Variants in PAM observed in about 807,000 individuals in gnomAD.
PAM encodes the protein peptidylglycine alpha-amidating monooxygenase.
In PAM, 72 loss-of-function variants were observed where a neutral mutation model predicts 122.1. The observed-to-expected ratio is 0.59, with a 90% CI of 0.49 to 0.72. PAM has a LOEUF of 0.72. Among genes scored for constraint, PAM ranks in the 30% least tolerant of loss-of-function variants. PAM has a pLI of 0.00. For synonymous variants in PAM, 389 were observed against 404.4 expected, an observed-to-expected ratio of 0.96 and a Z score of 0.46; for missense variants, 1,106 against 1,183.7, an observed-to-expected ratio of 0.93 and a Z score of 0.96.
At chr5:102,789,883 AAAC>A in intron 1 of PAM, among the ~76,000 whole-genome samples, 1 of 152,248 alleles carries the variant, frequency 6.6e-6, no homozygotes, top group African/African-American at 2.4e-5. Flanking sequence ...TTTAGAAAAG[AAAC>A]TAACAAGACA....
At chr5:102,858,103 T>C (rs931693930) in intron 1 of PAM, among the ~76,000 whole-genome samples, 3 of 152,184 alleles carry the variant, frequency 2.0e-5, no homozygotes, top group African/African-American at 7.2e-5. Flanking sequence ...ACACGCAAAA[T>C]CAGTGCTGGC....
intron 15 of PAM, among the ~76,000 whole-genome samples, chr5:102,988,492 C>T (rs1449191008): frequency 6.6e-6 from 1 of 151,988 alleles, no homozygotes; most frequent in Non-Finnish European, 1.5e-5. Context: ...AGGCCAAAAA[C>T]CACGTTTTAT....
At chr5:102,914,773 G>C (rs1040227140) in intron 5 of PAM, among the ~76,000 whole-genome samples, 2 of 152,102 alleles carry the variant, frequency 1.3e-5, no homozygotes, top group South Asian at 2.1e-4. Context: ...ACCCTAGCTT[G>C]TCTGATTCCA....
chr5:103,003,613 A>AGATTC (rs577938883), intron 17 of PAM, among the ~76,000 whole-genome samples: 88 of 152,312 alleles, frequency 5.8e-4, no homozygotes, highest in Non-Finnish European at 1.0e-3. Flanking sequence ...AATTAGATTT[A>AGATTC]GATTCTGTAT....
At position 102,755,326 on chromosome 5, in the gene PAM, G is replaced by C. The variant is rs1444903454; in HGVS notation, c.-396G>C. 1 of 152,366 alleles carries C rather than the reference G, an allele frequency of 6.6e-6. No individual in the cohort carries two copies. Among genetic ancestry groups the C allele is most frequent in the Non-Finnish European group, 1.5e-5 (1 of 68,336 alleles). The allele number at this position is 152,366 out of a possible 1,614,324, so 9.4% of individuals were successfully genotyped here. ...GCCCGCAGGCTCCGGCTTCCGTCCCGGACAGAGCCCGTGGTCGCGCAGGTT... is the reference window on the plus strand; with the variant it reads ...GCCCGCAGGCTCCGGCTTCCGTCCCCGACAGAGCCCGTGGTCGCGCAGGTT... On this transcript the variant is annotated 5_prime_UTR_variant, in exon 1 of 26. Transcript: ENST00000438793.
chr5:102,783,938 C>T (rs1239479229), intron 1 of PAM, among the ~76,000 whole-genome samples: 1 of 151,832 alleles, frequency 6.6e-6, no homozygotes, highest in Non-Finnish European at 1.5e-5. Context: ...GCTCTGTCAC[C>T]CAGGCTGGAG....
chr5:102,903,981 T>C (rs1798784564), intron 4 of PAM, among the ~76,000 whole-genome samples: 1 of 151,480 alleles, frequency 6.6e-6, no homozygotes, highest in African/African-American at 2.4e-5. Context: ...AAATAACAAA[T>C]ACCCATGAAG....
intron 1 of PAM, among the ~76,000 whole-genome samples, chr5:102,861,202 A>G (rs970610353): frequency 2.6e-5 from 4 of 152,196 alleles, no homozygotes; most frequent in African/African-American, 9.6e-5. Context: ...TCTGGTTCAC[A>G]TCTAAACTAC....
At chr5:102,804,025 G>T (rs1241141035) in intron 1 of PAM, among the ~76,000 whole-genome samples, 1 of 152,164 alleles carries the variant, frequency 6.6e-6, no homozygotes, top group Non-Finnish European at 1.5e-5. Context: ...CAGGAGAAGT[G>T]TGAGGGTTGC....
chr5:103,015,407 A>G (rs1781694077), intron 21 of PAM, among the ~76,000 whole-genome samples: 1 of 152,236 alleles, frequency 6.6e-6, no homozygotes, highest in East Asian at 1.9e-4. Context: ...CCTGGTGAAG[A>G]TATTATCATG....
intron 3 of PAM, among the ~76,000 whole-genome samples, chr5:102,884,842 AC>A (rs1792449094): frequency 6.6e-6 from 1 of 151,882 alleles, no homozygotes; most frequent in Admixed American, 6.6e-5. Flanking sequence ...GGCAAAAGTC[AC>A]CTCATTCAAC....
intron 1 of PAM, among the ~76,000 whole-genome samples, chr5:102,758,559 A>G (rs1751350124): frequency 6.6e-6 from 1 of 152,246 alleles, no homozygotes; most frequent in Admixed American, 6.5e-5. Context: ...TGGGCTGTGA[A>G]TAAAGCTGCT....
intron 3 of PAM, among the ~76,000 whole-genome samples, chr5:102,887,266 G>A (rs914798797): frequency 3.9e-5 from 6 of 151,918 alleles, no homozygotes; most frequent in Non-Finnish European, 5.9e-5. Flanking sequence ...AGGAGAATGC[G>A]TTGTTCGAAA....
chr5:102,864,521 A>G (rs1784999983), intron 1 of PAM: 1 of 152,162 alleles, frequency 6.6e-6, no homozygotes, highest in African/African-American at 2.4e-5. Flanking sequence ...TATTTGGTAT[A>G]TGGTATCTAG....
chr5:102,886,906 C>T (rs912973414), intron 3 of PAM, among the ~76,000 whole-genome samples: 1 of 149,090 alleles, frequency 6.7e-6, no homozygotes. Flanking sequence ...AACTGATCTC[C>T]CTTGAATCTA....
At chr5:102,777,920 C>T (rs1757611964) in intron 1 of PAM, among the ~76,000 whole-genome samples, 1 of 152,150 alleles carries the variant, frequency 6.6e-6, no homozygotes. Context: ...TATTTTTCTT[C>T]TGTGATGCTG....
At chr5:102,768,858 CAT>C (rs1233140957) in intron 1 of PAM, among the ~76,000 whole-genome samples, 12 of 152,010 alleles carry the variant, frequency 7.9e-5, no homozygotes. Flanking sequence ...AGCAGTGGGA[CAT>C]ATATACCCCA....
At chr5:102,815,331 C>T (rs538675233) in intron 1 of PAM, among the ~76,000 whole-genome samples, 64 of 151,900 alleles carry the variant, frequency 4.2e-4, no homozygotes, top group African/African-American at 1.5e-3. Context: ...ATTTTGGAAT[C>T]GTGTTAGGGC....
At chr5:102,830,374 T>C (rs1489464589) in intron 1 of PAM, among the ~76,000 whole-genome samples, 2 of 152,198 alleles carry the variant, frequency 1.3e-5, no homozygotes, top group South Asian at 2.1e-4. Flanking sequence ...ATTTCACCAC[T>C]GTACTGAATC....
Sources: gnomAD v4.1 joint callset for allele counts (sites outside exome capture counted in the v4.1 genomes callset) on GRCh38, gnomAD v4.1.1 for gene constraint, MANE v1.5 for transcripts, NCBI Gene and HGNC (gene_info 2026-07-23, HGNC 2026-07-21) for gene names.